SLC35F3: variants seen among roughly 807,000 people sequenced by gnomAD.
The protein encoded by SLC35F3 is solute carrier family 35 member F3.
A neutral mutation model predicts 49.9 loss-of-function variants in SLC35F3; 25 were observed. The ratio of observed to expected loss-of-function variants is 0.50; its 90% CI spans 0.37 to 0.70. The LOEUF (loss-of-function observed/expected upper bound fraction) is 0.70. Among genes scored for constraint, SLC35F3 ranks in the 30% least tolerant of loss-of-function variants. The pLI, the probability that SLC35F3 is intolerant of heterozygous loss-of-function variation, is 0.00. For synonymous variants in SLC35F3, 275 were observed against 265.4 expected, an observed-to-expected ratio of 1.04 and a Z score of -0.35; for missense variants, 525 against 639.8, an observed-to-expected ratio of 0.82 and a Z score of 1.94.
At chr1:234,035,969 G>T (rs1331145574) in intron 2 of SLC35F3, among the ~76,000 whole-genome samples, 1 of 152,098 alleles carries the variant, frequency 6.6e-6, no homozygotes, top group Non-Finnish European at 1.5e-5. Context: ...TTGGCTGTCC[G>T]CTCATACTTA....
intron 2 of SLC35F3, among the ~76,000 whole-genome samples, chr1:234,165,002 A>C (rs749284120): frequency 6.7e-5 from 10 of 148,780 alleles, no homozygotes; most frequent in Non-Finnish European, 7.4e-5. Flanking sequence ...AGGGCTGCTC[A>C]GTTGATTTCA....
intron 3 of SLC35F3, among the ~76,000 whole-genome samples, chr1:234,287,622 A>G (rs1012642405): frequency 6.6e-6 from 1 of 152,198 alleles, no homozygotes; most frequent in Non-Finnish European, 1.5e-5. Context: ...TTAGTATCCC[A>G]TGTTATAAAT....
chr1:234,121,054 T>C (rs1280320840), intron 2 of SLC35F3, among the ~76,000 whole-genome samples: 1 of 151,080 alleles, frequency 6.6e-6, no homozygotes, highest in East Asian at 1.9e-4. Context: ...AACTCTTCAA[T>C]AGAAAAAAAT....
chr1:233,982,147 A>G (rs1044143211), intron 2 of SLC35F3, among the ~76,000 whole-genome samples: 2 of 151,904 alleles, frequency 1.3e-5, no homozygotes, highest in Non-Finnish European at 2.9e-5. Context: ...CTGGTCTCAA[A>G]CTCCTGGCCT....
In SLC35F3 at chr1:234,309,229, C is replaced by T; in HGVS notation, c.737C>T (p.Thr246Ile). The T allele has an allele frequency of 7.4e-6, 12 of 1,614,180 alleles. No homozygotes were observed. Among genetic ancestry groups the T allele is most frequent in the Non-Finnish European group, 1.0e-5 (12 of 1,179,996 alleles). ...LYLHAIKKIN[T>I]TDVSVLFCCN... The stretch of plus-strand genomic sequence containing the variant: ...TTACATGCAATAAAGAAAATAAACA[C>T]TACGGATGTCTCCGTGTTGTTCTGC... Residue 246 changes from threonine (T) to isoleucine (I), a missense_variant, in exon 4 of 8, where the codon ACT (threonine) becomes ATT (isoleucine). Physicochemically the swap from Thr to Ile is moderately conservative, Grantham distance 89. Coordinates refer to ENST00000366618, the MANE Select transcript of SLC35F3 (RefSeq NM_173508.4).
At chr1:233,969,743 C>T (rs1423304036) in intron 2 of SLC35F3, among the ~76,000 whole-genome samples, 1 of 152,220 alleles carries the variant, frequency 6.6e-6, no homozygotes, top group Non-Finnish European at 1.5e-5. Flanking sequence ...CTGTTTTTCT[C>T]TCACTTCACG....
intron 3 of SLC35F3, among the ~76,000 whole-genome samples, chr1:234,248,326 G>A (rs1667678593): frequency 7.0e-6 from 1 of 141,934 alleles, no homozygotes; most frequent in Non-Finnish European, 1.5e-5. Flanking sequence ...TTGGTGGGTT[G>A]GTTGGCTGGT....
At chr1:234,187,963 G>A (rs1289803120) in intron 2 of SLC35F3, among the ~76,000 whole-genome samples, 9 of 152,168 alleles carry the variant, frequency 5.9e-5, no homozygotes, top group African/African-American at 1.9e-4. Context: ...AAGGCCAGGC[G>A]CGGTTTCTCA....
chr1:234,296,751 A>G lies in SLC35F3; in HGVS notation c.609-12350A>G, dbSNP rs143506173. On this transcript the variant is annotated intron_variant, in intron 3 of 7. Coordinates refer to ENST00000366618, the MANE Select transcript of SLC35F3 (RefSeq NM_173508.4). Reference sequence around the variant, plus strand: ...TGCAAAATAACCAGCTGGTCCCCAAAGAACAGATTCCTGTGGAGGAGGCTG... The same window carrying G: ...TGCAAAATAACCAGCTGGTCCCCAAGGAACAGATTCCTGTGGAGGAGGCTG... Among the ~76,000 whole-genome samples the G allele has an allele frequency of 9.7e-3, 1,473 of 152,350 alleles. 16 individuals are homozygous for G. Among genetic ancestry groups the G allele is most frequent in the African/African-American group, 0.031 (1,276 of 41,586 alleles).
chr1:234,275,752 G>GAAAAA (rs71576411), intron 3 of SLC35F3, among the ~76,000 whole-genome samples: 3 of 139,020 alleles, frequency 2.2e-5, no homozygotes, highest in East Asian at 2.1e-4. Context: ...GGTAAGTATT[G>GAAAAA]AAAAAAAAAA....
chr1:234,187,444 G>A (rs1666660079), intron 2 of SLC35F3, among the ~76,000 whole-genome samples: 1 of 152,204 alleles, frequency 6.6e-6, no homozygotes, highest in South Asian at 2.1e-4. Flanking sequence ...GATGGATAGA[G>A]CAGCATGTCG....
chr1:234,301,452 A>G lies in SLC35F3; in HGVS notation c.609-7649A>G, dbSNP rs148222101. On this transcript the variant is annotated intron_variant, in intron 3 of 7. Coordinates refer to ENST00000366618, the MANE Select transcript of SLC35F3 (RefSeq NM_173508.4). ...ACATATGAAAAAAATGCTCAACATC[A>G]CTGATCATCAGAGAAATGCAAATCA... 6.7e-3 allele frequency among the ~76,000 whole-genome samples: 1,018 copies of G among 152,362 alleles called. 4 individuals are homozygous for G. Among genetic ancestry groups the G allele is most frequent in the Middle Eastern group, 0.014 (4 of 294 alleles).
intron 2 of SLC35F3, among the ~76,000 whole-genome samples, chr1:233,953,792 G>GA (rs1417500367): frequency 6.6e-6 from 1 of 152,134 alleles, no homozygotes; most frequent in Non-Finnish European, 1.5e-5. Context: ...AATGGGAGGG[G>GA]AAAAAAGACC....
chr1:234,177,292 A>G (rs1384086426), intron 2 of SLC35F3, among the ~76,000 whole-genome samples: 1 of 152,204 alleles, frequency 6.6e-6, no homozygotes, highest in Non-Finnish European at 1.5e-5. Context: ...TTTCTTTTGT[A>G]AATTGCCCAG....
chr1:234,216,583 G>A (rs906451631), intron 2 of SLC35F3, among the ~76,000 whole-genome samples: 13 of 152,300 alleles, frequency 8.5e-5, no homozygotes, highest in African/African-American at 3.1e-4. Context: ...ACCTGCTAAC[G>A]CCAGCAGCTG....
intron 2 of SLC35F3, among the ~76,000 whole-genome samples, chr1:234,025,826 C>G (rs1663968989): frequency 6.6e-6 from 1 of 152,094 alleles, no homozygotes; most frequent in Admixed American, 6.5e-5. Context: ...AATTAGTTCC[C>G]AATTGTCAAT....
At chr1:234,186,248 G>A (rs1666641990) in intron 2 of SLC35F3, among the ~76,000 whole-genome samples, 1 of 151,840 alleles carries the variant, frequency 6.6e-6, no homozygotes, top group African/African-American at 2.4e-5. Flanking sequence ...GCTCAAGCAT[G>A]CAGTGGGCTC....
intron 2 of SLC35F3, among the ~76,000 whole-genome samples, chr1:234,222,433 A>G (rs910410650): frequency 6.6e-6 from 1 of 152,198 alleles, no homozygotes; most frequent in African/African-American, 2.4e-5. Flanking sequence ...AACTGGAGTT[A>G]TGTTTGAGAA....
Position 234,215,522 on chromosome 1 carries a change from C to T in SLC35F3, c.284-15895C>T, listed in dbSNP as rs116151016. Among the ~76,000 whole-genome samples the T allele has an allele frequency of 7.6e-3, 1,163 of 152,306 alleles. 8 individuals carry two copies. Among genetic ancestry groups the T allele is most frequent in the Non-Finnish European group, 0.011 (765 of 68,022 alleles). ...CATCCCCTGGGTCCCAGGAGCTCCCCTCTAGGCTTTTGCTTGTGCTGAGCT... is the reference window on the plus strand; with the variant it reads ...CATCCCCTGGGTCCCAGGAGCTCCCTTCTAGGCTTTTGCTTGTGCTGAGCT... On this transcript the variant is annotated intron_variant, in intron 2 of 7. Coordinates refer to ENST00000366618, the MANE Select transcript of SLC35F3 (RefSeq NM_173508.4).
Sources: gnomAD v4.1 joint callset for allele counts (sites outside exome capture counted in the v4.1 genomes callset) on GRCh38, gnomAD v4.1.1 for gene constraint, MANE v1.5 for transcripts, NCBI Gene and HGNC (gene_info 2026-07-23, HGNC 2026-07-21) for gene names.